LIN37: variants seen among roughly 807,000 people sequenced by gnomAD.
The protein encoded by LIN37 is lin-37 DREAM MuvB core complex component.
Under a neutral mutation model 38.0 loss-of-function variants are expected in LIN37, and 21 were observed. That is an observed-to-expected ratio of 0.55 (90% CI 0.39 to 0.80). LIN37 has a LOEUF of 0.80. Among genes scored for constraint, LIN37 ranks in the 30% least tolerant of loss-of-function variants. LIN37 has a pLI of 0.00. For missense variants in LIN37, 273 were observed against 338.5 expected, an observed-to-expected ratio of 0.81 and a Z score of 1.52; for synonymous variants, 126 against 122.9, an observed-to-expected ratio of 1.03 and a Z score of -0.17.
At position 35,750,262 on chromosome 19, in the gene LIN37, T is replaced by G. The variant is rs144370505; in HGVS notation, c.34+1504T>G. Among the ~76,000 whole-genome samples, 203 of 152,104 alleles carry G rather than the reference T, an allele frequency of 1.3e-3. 2 individuals carry two copies. The highest frequency in any genetic ancestry group is 4.6e-3 in the African/African-American group (192 of 41,476). On this transcript the variant is annotated intron_variant, in intron 1 of 8. Transcript: ENST00000301159. ...GAGGCTTCAGGCCCAAGTCGGGGGT[T>G]CAGGAGAGAGGCTGGGCCTGAGGAG...
chr19:35,748,584 G>A lies in LIN37; in HGVS notation c.-141G>A, dbSNP rs1970632547. The A allele has an allele frequency of 2.6e-6, 3 of 1,169,412 alleles. No homozygotes were observed. Among genetic ancestry groups the A allele is most frequent in the South Asian group, 2.5e-5 (2 of 81,028 alleles). 72.4% of individuals were successfully genotyped at this position (1,169,412 alleles called of 1,614,324 possible). On this transcript the variant is annotated 5_prime_UTR_variant, in exon 1 of 9. Coordinates refer to ENST00000301159, the MANE Select transcript of LIN37 (RefSeq NM_019104.3). Reference sequence around the variant, plus strand: ...ACAGAAGGGTGGTGGCCACGGTCCAGGCTGGACACAACCAAAGGCGGAGGA... The same window carrying A: ...ACAGAAGGGTGGTGGCCACGGTCCAAGCTGGACACAACCAAAGGCGGAGGA...
chr19:35,749,017 C>CT, intron 1 of LIN37: 1 of 1,285,026 alleles, frequency 7.8e-7, no homozygotes, highest in East Asian at 3.3e-5. Flanking sequence ...GCCGGTAACT[C>CT]TGAGAAGGGC....
At chr19:35,749,522 G>A (rs1220187542) in intron 1 of LIN37, among the ~76,000 whole-genome samples, 3 of 151,890 alleles carry the variant, frequency 2.0e-5, no homozygotes, top group Non-Finnish European at 2.9e-5. Context: ...GGCTGGGTGC[G>A]GTGGCTCACA....
At chr19:35,753,341 G>A in intron 6 of LIN37, 88 bp downstream of exon 6, 1 of 1,432,444 alleles carries the variant, frequency 7.0e-7, no homozygotes. Flanking sequence ...TAAGCTAGTG[G>A]GATAGACAGA....
chr19:35,752,043 C>A, intron 1 of LIN37, 133 bp from the exon 2 acceptor site: 1 of 654,724 alleles, frequency 1.5e-6, no homozygotes, highest in Non-Finnish European at 2.7e-6. Context: ...CCTGTTGCAC[C>A]CTTTCAGGCT....
At chr19:35,751,596 G>T (rs1970681395) in intron 1 of LIN37, among the ~76,000 whole-genome samples, 1 of 152,176 alleles carries the variant, frequency 6.6e-6, no homozygotes, top group South Asian at 2.1e-4. Context: ...CTACTTGGGA[G>T]GCTGAGACAG....
chr19:35,753,637 G>A (rs749235584), intron 6 of LIN37: 10 of 488,624 alleles, frequency 2.0e-5, no homozygotes, highest in East Asian at 7.6e-5. Context: ...CTGACCCAGC[G>A]GGGTAGACAA....
At chr19:35,752,618 G>A in intron 3 of LIN37, 134 bp downstream of exon 3, 10 of 1,247,448 alleles carry the variant, frequency 8.0e-6, no homozygotes, top group East Asian at 5.0e-5. Flanking sequence ...AAGACCCTGT[G>A]GCAGGAGAAG....
intron 3 of LIN37, 139 bp from the exon 4 acceptor site, chr19:35,752,665 G>T: frequency 7.6e-7 from 1 of 1,312,994 alleles, no homozygotes; most frequent in Non-Finnish European, 1.1e-6. Context: ...AGACCCCCAT[G>T]GGTATGGGTG....
At chr19:35,752,056 C>G in intron 1 of LIN37, 120 bp from the exon 2 acceptor site, 1 of 719,958 alleles carries the variant, frequency 1.4e-6, no homozygotes, top group South Asian at 1.7e-5. Context: ...TTCAGGCTGC[C>G]TGGGCCTGGC....
chr19:35,754,259 A>C lies in LIN37; in HGVS notation c.599A>C (p.Glu200Ala), dbSNP rs770721599. The C allele has an allele frequency of 3.7e-5, 59 of 1,613,886 alleles. No homozygotes were observed. Among genetic ancestry groups the C allele is most frequent in the East Asian group, 3.6e-4 (16 of 44,900 alleles). Residue 200 changes from glutamate (E) to alanine (A), a missense_variant, in exon 8 of 9, where the codon GAG becomes GCG. Coordinates refer to ENST00000301159, the MANE Select transcript of LIN37 (RefSeq NM_019104.3). ...GTPDDEPSEP[E>A]PSPSTLIYRN... ...CTGTCCATGCAGCCCTCTGAGCCCGAGCCCTCACCCTCCACACTCATCTAT... is the reference window on the plus strand; with the variant it reads ...CTGTCCATGCAGCCCTCTGAGCCCGCGCCCTCACCCTCCACACTCATCTAT...
chr19:35,752,453 G>C lies in LIN37; in HGVS notation c.130G>C (p.Ala44Pro). The C allele has an allele frequency of 6.2e-7, 1 of 1,613,996 alleles. No individual in the cohort carries two copies. The highest frequency in any genetic ancestry group is 8.5e-7 in the Non-Finnish European group (1 of 1,179,872). Reference sequence around the variant, plus strand: ...CTCTAGGGAGCGTCTGGATGAGGAAGCTGGGAAAACACCCTCAGACACCCA... The same window carrying C: ...CTCTAGGGAGCGTCTGGATGAGGAACCTGGGAAAACACCCTCAGACACCCA... ...HMDRERLDEEAGKTPSDTHNK... is the reference protein window; with the variant it reads ...HMDRERLDEEPGKTPSDTHNK... The change falls in exon 3 of 9, where the codon GCT (alanine) becomes CCT (proline). Residue 44 changes from alanine (A) to proline (P), a missense_variant. Transcript: ENST00000301159.
At chr19:35,751,960 C>T in intron 1 of LIN37, 2 of 486,508 alleles carry the variant, frequency 4.1e-6, no homozygotes. Context: ...ATTGGCCTTA[C>T]CTCCTGTCAC....
Position 35,752,944 on chromosome 19 carries a change from G to A in LIN37, c.222G>A (p.Arg74=), listed in dbSNP as rs1336716984. The change falls in exon 5 of 9, where the codon AGG becomes AGA. Residue 74 remains arginine (R), a synonymous_variant. Transcript: ENST00000301159. ...CTGCCCGCTTCCCCCACCAGCGGAGGAAGAAGAGGAGGGAGATGGATGATG... is the reference window on the plus strand; with the variant it reads ...CTGCCCGCTTCCCCCACCAGCGGAGAAAGAAGAGGAGGGAGATGGATGATG... ...RPSARFPHQR[R]KKRREMDDGL... The A allele has an allele frequency of 6.4e-7, 1 of 1,573,344 alleles. No homozygotes were observed. Among genetic ancestry groups the A allele is most frequent in the Non-Finnish European group, 8.6e-7 (1 of 1,159,106 alleles).
intron 1 of LIN37, chr19:35,751,923 A>T (rs1970684327): frequency 3.3e-6 from 1 of 303,152 alleles, no homozygotes; most frequent in Non-Finnish European, 6.2e-6. Context: ...ATTTTTTTAA[A>T]ACCCAAAAGG....
At chr19:35,752,332 C>G (rs898695006) in intron 2 of LIN37, 81 bp downstream of exon 2, 2 of 1,574,646 alleles carry the variant, frequency 1.3e-6, no homozygotes, top group South Asian at 2.2e-5. Flanking sequence ...TGGGACCCCA[C>G]AGGCTGACTT....
intron 1 of LIN37, among the ~76,000 whole-genome samples, chr19:35,750,224 G>T (rs914612209): frequency 6.6e-6 from 1 of 152,122 alleles, no homozygotes; most frequent in Non-Finnish European, 1.5e-5. Flanking sequence ...ACAGTGAGGC[G>T]ACCCTTGAGA....
intron 6 of LIN37, 135 bp downstream of exon 6, chr19:35,753,388 C>T: frequency 3.8e-6 from 4 of 1,062,422 alleles, no homozygotes; most frequent in Non-Finnish European, 5.6e-6. Context: ...TCAGGCTAGG[C>T]ACACAGATGT....
Position 35,748,736 on chromosome 19 carries a change from G to T in LIN37, c.12G>T (p.Val4=). Residue 4 remains valine (V), a synonymous_variant, in exon 1 of 9, where the codon GTG becomes GTT. Coordinates refer to ENST00000301159, the MANE Select transcript of LIN37 (RefSeq NM_019104.3). The part of the protein sequence containing the change: MFP[V]KVKVEKSELE... ...CCCGGACCCAAACCATGTTCCCTGT[G>T]AAGGTGAAAGTGGAGAAATCAGGTG... is the stretch of plus-strand genomic sequence containing the variant. 6.2e-7 allele frequency: 1 copy of T among 1,613,960 alleles called. No individual in the cohort carries two copies. The highest frequency in any genetic ancestry group is 8.5e-7 in the Non-Finnish European group (1 of 1,179,844).
Sources: allele counts gnomAD v4.1 joint callset (sites outside exome capture counted in the v4.1 genomes callset), GRCh38; gene constraint gnomAD v4.1.1; transcripts MANE v1.5; gene names NCBI Gene and HGNC (gene_info 2026-07-23, HGNC 2026-07-21).